The following SAMD8 variants were observed in gnomAD, a reference collection of about 807,000 sequenced individuals.
SAMD8 encodes sphingomyelin synthase-related protein 1.
Under a neutral mutation model 42.0 loss-of-function variants are expected in SAMD8, and 20 were observed. That is an observed-to-expected ratio of 0.48 (90% CI 0.34 to 0.69). The LOEUF is 0.69. SAMD8 is among the 30% of genes least tolerant of loss of function. The pLI, the probability that SAMD8 is intolerant of heterozygous loss-of-function variation, is 0.01. For missense variants in SAMD8, 328 were observed against 511.6 expected (o/e 0.64, Z 3.46); for synonymous variants, 162 against 173.0 (o/e 0.94, Z 0.50).
chr10:75,163,282 T>C (rs1464652464), intron 2 of SAMD8, among the ~76,000 whole-genome samples: 5 of 152,154 alleles, frequency 3.3e-5, no homozygotes, highest in Non-Finnish European at 7.4e-5. Flanking sequence ...CATGTCATTG[T>C]AGAAAAGTTT....
rs541972347 is a variant in SAMD8, at chr10:75,147,603, G to A, written c.-15-2911G>A. Among the ~76,000 whole-genome samples the A allele has an allele frequency of 1.4e-4, 22 of 152,292 alleles. 2 individuals are homozygous for A. The East Asian group carries it at 3.3e-3, about 23-fold the overall frequency. ...AGCCTCCCAAAGTGCTGGGATAGGCGTGAGCCACCATGCCCGGCTGGCTTT... is the reference window on the plus strand; with the variant it reads ...AGCCTCCCAAAGTGCTGGGATAGGCATGAGCCACCATGCCCGGCTGGCTTT... On this transcript the variant is annotated intron_variant, in intron 1 of 5. Transcript: ENST00000542569.
At chr10:75,132,999 TAAAG>T (rs1199998932) in intron 1 of SAMD8, among the ~76,000 whole-genome samples, 7 of 151,524 alleles carry the variant, frequency 4.6e-5, no homozygotes, top group African/African-American at 4.8e-5. Flanking sequence ...AGTCAATCAA[TAAAG>T]AAAGAAAAAG....
At position 75,181,556 on chromosome 10, in the gene SAMD8, T is replaced by A. The variant is rs189522561; in HGVS notation, c.*4864T>A. 12 of 152,340 alleles carry A rather than the reference T, an allele frequency of 7.9e-5. No individual in the cohort carries two copies. The highest frequency in any genetic ancestry group is 2.6e-4 in the African/African-American group (11 of 41,580). 9.4% of individuals were successfully genotyped at this position (152,340 alleles called of 1,614,324 possible). On this transcript the variant is annotated 3_prime_UTR_variant, in exon 6 of 6. Transcript: ENST00000542569. ...CAGCTATTCTGGTTTTTATAATACATTCTACCCTAAATTAACCAAAGGACT... is the reference window on the plus strand; with the variant it reads ...CAGCTATTCTGGTTTTTATAATACAATCTACCCTAAATTAACCAAAGGACT...
upstream of SAMD8, chr10:75,111,536 G>T (rs1030417356): frequency 1.6e-6 from 2 of 1,233,010 alleles, no homozygotes; most frequent in African/African-American, 3.1e-5. Flanking sequence ...CGGCGGTGAC[G>T]GCGGCCGGGA....
intron 1 of SAMD8, among the ~76,000 whole-genome samples, chr10:75,120,637 T>C (rs1848983255): frequency 6.6e-6 from 1 of 152,170 alleles, no homozygotes; most frequent in Non-Finnish European, 1.5e-5. Context: ...TAGTTAAATT[T>C]TATGTTAAGT....
chr10:75,156,480 A>G (rs1840413306), intron 2 of SAMD8, among the ~76,000 whole-genome samples: 1 of 152,178 alleles, frequency 6.6e-6, no homozygotes, highest in Admixed American at 6.6e-5. Context: ...CTCACCTATT[A>G]CTTAATTACA....
rs1840630620 is a variant in SAMD8 at position 75,164,476 on chromosome 10, C to T, written c.579-169C>T. 5.1e-6 allele frequency: 5 copies of T among 981,242 alleles called. No individual in the cohort carries two copies. In the South Asian group the frequency reaches 1.9e-4, roughly 37 times the overall value. 60.8% of individuals were successfully genotyped at this position (981,242 alleles called of 1,614,324 possible). On this transcript the variant is annotated intron_variant, in intron 2 of 5. Transcript: ENST00000542569. ...AAACAGGTTCCGATAGGTGGGGGTA[C>T]TTTATGACACAGATTTTTTCTCCCA...
intron 1 of SAMD8, among the ~76,000 whole-genome samples, chr10:75,141,172 GT>G (rs1299894563): frequency 6.6e-6 from 1 of 152,020 alleles, no homozygotes; most frequent in Non-Finnish European, 1.5e-5. Flanking sequence ...GCAAAACCCT[GT>G]TTCTACCAAA....
chr10:75,160,835 G>T (rs1400551507), intron 2 of SAMD8, among the ~76,000 whole-genome samples: 1 of 152,150 alleles, frequency 6.6e-6, no homozygotes, highest in Non-Finnish European at 1.5e-5. Flanking sequence ...GTACAGATAG[G>T]AGCTAAATAG....
intron 1 of SAMD8, among the ~76,000 whole-genome samples, chr10:75,100,424 C>A (rs373215528): frequency 2.0e-5 from 3 of 152,206 alleles, no homozygotes; most frequent in Non-Finnish European, 4.4e-5. Flanking sequence ...CGGCCACCCC[C>A]CCAGGGACTC....
intron 1 of SAMD8, among the ~76,000 whole-genome samples, chr10:75,101,454 T>A (rs926765640): frequency 3.4e-4 from 51 of 152,194 alleles, no homozygotes; most frequent in Non-Finnish European, 4.0e-4. Flanking sequence ...TATCTCTGTA[T>A]TTCTTGATAT....
chr10:75,151,711 G>T (rs974218450), intron 2 of SAMD8, among the ~76,000 whole-genome samples: 2 of 146,538 alleles, frequency 1.4e-5, no homozygotes, highest in African/African-American at 5.1e-5. Context: ...TTTTGAGACA[G>T]AGTCTCGCTC....
chr10:75,107,078 A>G (rs1030525155), upstream of SAMD8, among the ~76,000 whole-genome samples: 1 of 152,148 alleles, frequency 6.6e-6, no homozygotes, highest in African/African-American at 2.4e-5. Context: ...GCTCATGCCT[A>G]TAATCCCAGC....
At chr10:75,139,802 G>A (rs1044574535) in intron 1 of SAMD8, among the ~76,000 whole-genome samples, 10 of 152,098 alleles carry the variant, frequency 6.6e-5, no homozygotes, top group Non-Finnish European at 1.0e-4. Context: ...CTCTGTCCCC[G>A]ACCTAGAGAA....
rs371198815 is a variant in SAMD8 at position 75,135,981 on chromosome 10, CTCTA to C, written c.-15-14529_-15-14526del. Among the ~76,000 whole-genome samples, 21 of 152,060 alleles carry C rather than the reference CTCTA, an allele frequency of 1.4e-4. No individual in the cohort carries two copies. In the East Asian group the frequency reaches 4.1e-3, roughly 29 times the overall value. On this transcript the variant is annotated intron_variant, in intron 1 of 5. Transcript: ENST00000542569. ...TAGGCCTTAGTAATCATCTTGATTACTCTATCTTTCCTAAAAATAAAACAAAAAT... is the reference window on the plus strand; with the variant it reads ...TAGGCCTTAGTAATCATCTTGATTACTCTTTCCTAAAAATAAAACAAAAAT...
intron 1 of SAMD8, among the ~76,000 whole-genome samples, chr10:75,115,736 C>G (rs12220928): frequency 0.19 from 28,745 of 151,888 alleles, 2,982 homozygotes; most frequent in East Asian, 0.26. Context: ...GCCAGGAGAT[C>G]GAGACCATCC....
intron 1 of SAMD8, among the ~76,000 whole-genome samples, chr10:75,102,748 T>A (rs1848250719): frequency 6.6e-6 from 1 of 151,956 alleles, no homozygotes; most frequent in South Asian, 2.1e-4. Flanking sequence ...AGGTCGGGAG[T>A]TCGAGACCAG....
At chr10:75,107,818 C>A (rs895222796), upstream of SAMD8, among the ~76,000 whole-genome samples, 6 of 152,144 alleles carry the variant, frequency 3.9e-5, no homozygotes, top group Non-Finnish European at 8.8e-5. Context: ...CTCAGGCGAT[C>A]CACCCACCTC....
chr10:75,167,536 T>A (rs1287288123), intron 3 of SAMD8, among the ~76,000 whole-genome samples: 2 of 152,208 alleles, frequency 1.3e-5, no homozygotes, highest in African/African-American at 4.8e-5. Context: ...TACAGTGTTA[T>A]TAATGAGCAA....
Sources: allele counts gnomAD v4.1 joint callset (sites outside exome capture counted in the v4.1 genomes callset), GRCh38; gene constraint gnomAD v4.1.1; transcripts MANE v1.5; gene names NCBI Gene and HGNC (gene_info 2026-07-23, HGNC 2026-07-21).